The following PCDHGB2 variants were observed in gnomAD, a reference collection of about 807,000 sequenced individuals.
The protein encoded by PCDHGB2 is protocadherin gamma subfamily B, 2, also known as protocadherin gamma-B2.
A neutral mutation model predicts 59.3 loss-of-function variants in PCDHGB2; 55 were observed. The ratio of observed to expected loss-of-function variants is 0.93; its 90% CI spans 0.75 to 1.16. PCDHGB2 has a LOEUF of 1.16. PCDHGB2 is among the 50% of genes most tolerant of loss of function. PCDHGB2 has a pLI of 0.00. For missense variants in PCDHGB2, 1,228 were observed against 1,198.5 expected (o/e 1.02, Z -0.36); for synonymous variants, 516 against 512.0 (o/e 1.01, Z -0.11).
intron 1 of PCDHGB2, chr5:141,365,296 G>A: frequency 1.2e-6 from 2 of 1,614,002 alleles, no homozygotes; most frequent in Non-Finnish European, 1.7e-6. Context: ...TGGTAGCTCA[G>A]GATGGAGGCG....
chr5:141,418,345 T>C, intron 1 of PCDHGB2: 1 of 1,614,000 alleles, frequency 6.2e-7, no homozygotes, highest in Non-Finnish European at 8.5e-7. Context: ...ATCCTGATAT[T>C]AGTATGAATT....
chr5:141,417,871 C>T (rs1317007566), intron 1 of PCDHGB2: 1 of 1,554,006 alleles, frequency 6.4e-7, no homozygotes, highest in African/African-American at 1.4e-5. Context: ...TGGGAGGGAG[C>T]TGCGCGCAGA....
Position 141,390,370 on chromosome 5 carries a change from A to T in PCDHGB2, c.2421+27814A>T, listed in dbSNP as rs1252386186. On this transcript the variant is annotated intron_variant, in intron 1 of 3. Coordinates refer to ENST00000522605, the MANE Select transcript of PCDHGB2 (RefSeq NM_018923.3). ...AATATACATATTTGCAGGAAAATAT[A>T]TAATTTTTAGATGTCATGGATCATT... 4 of 1,504,066 alleles carry T rather than the reference A, an allele frequency of 2.7e-6. No individual in the cohort carries two copies. In the African/African-American group the frequency reaches 4.2e-5, roughly 16 times the overall value. The allele number at this position is 1,504,066 out of a possible 1,614,324, so 93.2% of individuals were successfully genotyped here. A position where few individuals can be genotyped will look rare whatever the true frequency, so the allele number is the denominator to read the frequency against.
In PCDHGB2 at chr5:141,361,450, A is replaced by T; in HGVS notation, c.1315A>T (p.Thr439Ser). 6.2e-7 allele frequency: 1 copy of T among 1,613,960 alleles called. No individual in the cohort carries two copies. Among genetic ancestry groups the T allele is most frequent in the East Asian group, 2.2e-5 (1 of 44,872 alleles). ...KPPLSSSIIV[T>S]LHISDVNDNA... ...GCCCCTCTCCTCCAGCATAATTGTC[A>T]CCCTGCACATCTCCGACGTCAACGA... The change falls in exon 1 of 4, where the codon ACC becomes TCC. Residue 439 changes from threonine to serine, a missense_variant. This residue lies in a region of PCDHGB2 where 781 missense variants were observed against 721.6 expected (regional missense o/e 1.08). Coordinates refer to ENST00000522605, the MANE Select transcript of PCDHGB2 (RefSeq NM_018923.3).
chr5:141,414,413 C>T, intron 1 of PCDHGB2: 1 of 1,613,830 alleles, frequency 6.2e-7, no homozygotes. Flanking sequence ...ATACACAGAG[C>T]CCTTGACAGG....
At chr5:141,415,700 A>G (rs1213224503) in intron 1 of PCDHGB2, 1 of 1,515,570 alleles carries the variant, frequency 6.6e-7, no homozygotes, top group East Asian at 2.5e-5. Flanking sequence ...GAAAGTGTAA[A>G]TGCTAAAACA....
At chr5:141,495,269 CGGAGGAGGCG>C (rs2099759953) in intron 2 of PCDHGB2, among the ~76,000 whole-genome samples, 1 of 152,180 alleles carries the variant, frequency 6.6e-6, no homozygotes, top group Non-Finnish European at 1.5e-5. Context: ...AGCATTTGAC[CGGAGGAGGCG>C]GTCCGCACTC....
At chr5:141,410,847 G>GTTTT (rs773839667) in intron 1 of PCDHGB2, 2 of 158,344 alleles carry the variant, frequency 1.3e-5, no homozygotes, top group African/African-American at 1.7e-4. Context: ...TTTTGTCTTT[G>GTTTT]TCTTTTTTTT....
At position 141,477,067 on chromosome 5, in the gene PCDHGB2, C is replaced by G. The variant is rs370882752; in HGVS notation, c.2422-17740C>G. 5.6e-5 allele frequency: 91 copies of G among 1,614,116 alleles called. No individual in the cohort carries two copies. Among genetic ancestry groups the G allele is most frequent in the Non-Finnish European group, 7.7e-5 (91 of 1,180,042 alleles). ...GGCTGGACTTCGAGGACACCAAACT[C>G]CATGAGATTTACATCCAGGCCAAAG... On this transcript the variant is annotated intron_variant, in intron 1 of 3. Transcript: ENST00000522605. This position sits in a 1 kb window ranked among gnomAD's most constrained non-coding sequence, Gnocchi z 4.9.
chr5:141,371,143 A>T (rs199674539), intron 1 of PCDHGB2: 4 of 1,613,904 alleles, frequency 2.5e-6, no homozygotes, highest in Non-Finnish European at 3.4e-6. Context: ...TACAGGGTCA[A>T]TGTTGCAGAG....
rs912402706 is a variant in PCDHGB2, at chr5:141,362,030, T to G, written c.1895T>G (p.Leu632Trp). The change falls in exon 1 of 4, where the codon TTG becomes TGG. Residue 632 changes from leucine to tryptophan, a missense_variant. Coordinates refer to ENST00000522605, the MANE Select transcript of PCDHGB2 (RefSeq NM_018923.3). ...RTGEVRTARA[L>W]GDRDAARQRL... ...GGTGAGGTGCGCACAGCGCGTGCCTTGGGCGACAGGGACGCGGCCCGCCAG... is the reference window on the plus strand; with the variant it reads ...GGTGAGGTGCGCACAGCGCGTGCCTGGGGCGACAGGGACGCGGCCCGCCAG... 6 of 1,608,644 alleles carry G rather than the reference T, an allele frequency of 3.7e-6. No individual in the cohort carries two copies. In the African/African-American group the frequency reaches 5.3e-5, roughly 14 times the overall value.
intron 1 of PCDHGB2, chr5:141,393,663 AT>A (rs1334579066): frequency 6.2e-7 from 1 of 1,613,820 alleles, no homozygotes; most frequent in East Asian, 2.2e-5. Flanking sequence ...ATTCCGGAAA[AT>A]TAATGAAAAA....
rs1229623400 is a variant in PCDHGB2, at chr5:141,505,984, T to A, written c.2569+503T>A. 4.6e-5 allele frequency among the ~76,000 whole-genome samples: 7 copies of A among 152,198 alleles called. No homozygotes were observed. In the East Asian group the frequency reaches 1.4e-3, roughly 30 times the overall value. On this transcript the variant is annotated intron_variant, in intron 3 of 3. Coordinates refer to ENST00000522605, the MANE Select transcript of PCDHGB2 (RefSeq NM_018923.3). ...AGAAATCCCCAGCCGAGAGAACACC[T>A]CCTCTTTATGCGAGGCTCCTCTTTT...
At chr5:141,460,465 AAAGG>A (rs2098989932) in intron 1 of PCDHGB2, among the ~76,000 whole-genome samples, 1 of 152,088 alleles carries the variant, frequency 6.6e-6, no homozygotes, top group Non-Finnish European at 1.5e-5. Context: ...ATTTTTTTCC[AAAGG>A]AATATCCAAT....
At position 141,485,561 on chromosome 5, in the gene PCDHGB2, GCCC is replaced by G; in HGVS notation, c.2422-9242_2422-9240del. ...AGAGATCGTAGATGTGAATGATCAC[GCCC>G]CCCGTTTTCCGCGGCAGCAGCTGGA... On this transcript the variant is annotated intron_variant, in intron 1 of 3. Transcript: ENST00000522605. This position sits in a 1 kb window ranked among gnomAD's most constrained non-coding sequence, Gnocchi z 5.7. 1 of 1,613,008 alleles carries G rather than the reference GCCC, an allele frequency of 6.2e-7. No homozygotes were observed.
At chr5:141,413,822 T>G in intron 1 of PCDHGB2, 1 of 1,613,216 alleles carries the variant, frequency 6.2e-7, no homozygotes, top group Non-Finnish European at 8.5e-7. Context: ...CACCTGGTCC[T>G]CACCGCCTCC....
At chr5:141,398,071 G>C in intron 1 of PCDHGB2, 1 of 1,587,000 alleles carries the variant, frequency 6.3e-7, no homozygotes, top group South Asian at 1.1e-5. Context: ...ACAATACAGA[G>C]GTTATTTGTA....
chr5:141,366,172 A>C lies in PCDHGB2; in HGVS notation c.2421+3616A>C, dbSNP rs559505576. On this transcript the variant is annotated intron_variant, in intron 1 of 3. Transcript: ENST00000522605. The stretch of plus-strand genomic sequence containing the variant: ...ACCGCCTGCTTAAGGCCAGCGAGCC[A>C]GGACTCTTTGCGGTTGGGCTGCACA... The C allele has an allele frequency of 2.6e-5, 42 of 1,613,958 alleles. No homozygotes were observed. The Admixed American group carries it at 7.0e-4, about 27-fold the overall frequency.
At position 141,493,202 on chromosome 5, in the gene PCDHGB2, A is replaced by G. The variant is rs1246390819; in HGVS notation, c.2422-1605A>G. Among the ~76,000 whole-genome samples, 1 of 152,196 alleles carries G rather than the reference A, an allele frequency of 6.6e-6. No individual in the cohort carries two copies. ...ACTATATAACTCCTTTGAGAACCTC[A>G]TCTCATTTGCTCTTCCCACCATTGC... On this transcript the variant is annotated intron_variant, in intron 1 of 3. Transcript: ENST00000522605. The surrounding 1 kb of genome is among the most constrained non-coding windows in gnomAD (Gnocchi z 4.3).
Sources: allele counts gnomAD v4.1 joint callset (sites outside exome capture counted in the v4.1 genomes callset), GRCh38; gene constraint gnomAD v4.1.1; regional missense constraint gnomAD v4.1.1; non-coding constraint Gnocchi (gnomAD v3.1); transcripts MANE v1.5; gene names NCBI Gene and HGNC (gene_info 2026-07-23, HGNC 2026-07-21).